The following GRIA4 variants were observed in gnomAD, a reference collection of about 807,000 sequenced individuals.
GRIA4 encodes glutamate ionotropic receptor AMPA type subunit 4, also known as glutamate receptor 4.
Under a neutral mutation model 104.0 loss-of-function variants are expected in GRIA4, and 34 were observed. The ratio of observed to expected loss-of-function variants is 0.33; its 90% CI spans 0.25 to 0.44. GRIA4 has a LOEUF of 0.44. Ranked by LOEUF, GRIA4 falls within the 20% of genes least tolerant of loss-of-function variation. The pLI, the probability that GRIA4 is intolerant of heterozygous loss-of-function variation, is 1.00. For missense variants in GRIA4, 750 were observed against 1,096.5 expected, an observed-to-expected ratio of 0.68 and a Z score of 4.46; for synonymous variants, 386 against 381.9, an observed-to-expected ratio of 1.01 and a Z score of -0.13.
At chr11:105,665,543 T>C (rs1230030569) in intron 3 of GRIA4, among the ~76,000 whole-genome samples, 1 of 152,010 alleles carries the variant, frequency 6.6e-6, no homozygotes, top group African/African-American at 2.4e-5. Context: ...GGGCATTTTA[T>C]GAGGCACTAG....
intron 4 of GRIA4, among the ~76,000 whole-genome samples, chr11:105,827,306 T>C (rs1054529367): frequency 2.6e-5 from 4 of 151,992 alleles, no homozygotes; most frequent in South Asian, 4.1e-4. Flanking sequence ...TTATATATGA[T>C]ACAATATCAA....
chr11:105,887,798 T>C (rs1455309527), intron 6 of GRIA4, among the ~76,000 whole-genome samples: 1 of 152,194 alleles, frequency 6.6e-6, no homozygotes, highest in African/African-American at 2.4e-5. Context: ...AAAGAAATGA[T>C]AATGGTTACT....
In GRIA4 at chr11:105,981,784, T is replaced by C. The variant is rs1859261171; in HGVS notation, c.*2045T>C. On this transcript the variant is annotated 3_prime_UTR_variant, in exon 17 of 17. Coordinates refer to ENST00000282499, the MANE Select transcript of GRIA4 (RefSeq NM_000829.4). ...TGCGTAACTCCTCCCTGTCTCCTCT[T>C]TACCTGAGTAACTTGTACTCATCCT... The C allele has an allele frequency of 6.5e-6, 1 of 152,674 alleles. No homozygotes were observed. Among genetic ancestry groups the C allele is most frequent in the Non-Finnish European group, 1.5e-5 (1 of 68,106 alleles). 9.5% of individuals were successfully genotyped at this position (152,674 alleles called of 1,614,324 possible). A position where few individuals can be genotyped will look rare whatever the true frequency, so the allele number is the denominator to read the frequency against.
chr11:105,956,019 T>C (rs1948579047), intron 14 of GRIA4, among the ~76,000 whole-genome samples: 1 of 152,206 alleles, frequency 6.6e-6, no homozygotes. Context: ...ATTCTGGATA[T>C]TAGACGTTTG....
intron 3 of GRIA4, among the ~76,000 whole-genome samples, chr11:105,670,511 T>C (rs749412531): frequency 6.6e-6 from 1 of 152,154 alleles, no homozygotes; most frequent in South Asian, 2.1e-4. Flanking sequence ...CCAGTTCTAC[T>C]TTATCAAACT....
At chr11:105,611,749 G>A (rs1950486851) in intron 2 of GRIA4, among the ~76,000 whole-genome samples, 1 of 152,128 alleles carries the variant, frequency 6.6e-6, no homozygotes, top group African/African-American at 2.4e-5. Context: ...CGCAGCTATT[G>A]AATTTCTTCC....
At chr11:105,854,615 T>C (rs1159329922) in intron 4 of GRIA4, among the ~76,000 whole-genome samples, 1 of 152,122 alleles carries the variant, frequency 6.6e-6, no homozygotes, top group Non-Finnish European at 1.5e-5. Flanking sequence ...ACAAGAGGCT[T>C]GGGCCTGGGT....
chr11:105,887,614 AGC>A (rs755663433), intron 6 of GRIA4, 42 bp downstream of exon 6: 2 of 865,894 alleles, frequency 2.3e-6, no homozygotes, highest in East Asian at 5.0e-5. Flanking sequence ...GAATTGCTCA[AGC>A]ACACAAGATT....
chr11:105,721,990 T>C (rs1565491556), intron 3 of GRIA4, among the ~76,000 whole-genome samples: 1 of 152,180 alleles, frequency 6.6e-6, no homozygotes, highest in Non-Finnish European at 1.5e-5. Flanking sequence ...AGAATATATA[T>C]AAATCATATG....
chr11:105,897,075 A>G (rs1480386847), intron 6 of GRIA4, among the ~76,000 whole-genome samples: 1 of 152,076 alleles, frequency 6.6e-6, no homozygotes, highest in African/African-American at 2.4e-5. Flanking sequence ...GGTGTCATCT[A>G]TGATTTATTT....
chr11:105,819,073 C>T (rs1255171402), intron 4 of GRIA4, among the ~76,000 whole-genome samples: 1 of 152,094 alleles, frequency 6.6e-6, no homozygotes, highest in Non-Finnish European at 1.5e-5. Context: ...TGGGTTTGGA[C>T]ACTGTCAGTT....
chr11:105,715,233 A>G (rs1278462979), intron 3 of GRIA4, among the ~76,000 whole-genome samples: 1 of 152,134 alleles, frequency 6.6e-6, no homozygotes, highest in Non-Finnish European at 1.5e-5. Flanking sequence ...TAACCATACT[A>G]TTACATCTTT....
At chr11:105,944,711 C>G (rs1948264816) in intron 14 of GRIA4, among the ~76,000 whole-genome samples, 1 of 152,106 alleles carries the variant, frequency 6.6e-6, no homozygotes, top group Non-Finnish European at 1.5e-5. Context: ...GCTGCTGCAA[C>G]TCGGGTTAAA....
intron 3 of GRIA4, among the ~76,000 whole-genome samples, chr11:105,747,577 A>G (rs1939735247): frequency 1.3e-5 from 2 of 152,192 alleles, no homozygotes; most frequent in African/African-American, 4.8e-5. Context: ...TATGTCAAGT[A>G]TGAATATAAA....
At chr11:105,850,589 T>C (rs1400212956) in intron 4 of GRIA4, among the ~76,000 whole-genome samples, 2 of 152,140 alleles carry the variant, frequency 1.3e-5, no homozygotes, top group Non-Finnish European at 2.9e-5. Flanking sequence ...CGGGACAACA[T>C]CATTAACCAA....
intron 4 of GRIA4, among the ~76,000 whole-genome samples, chr11:105,850,952 G>A (rs1944787323): frequency 6.6e-6 from 1 of 152,118 alleles, no homozygotes; most frequent in Admixed American, 6.6e-5. Context: ...ATCATGAGGA[G>A]AATAAAAAGC....
intron 5 of GRIA4, among the ~76,000 whole-genome samples, chr11:105,886,995 T>C (rs113154515): frequency 3.6e-4 from 54 of 152,058 alleles, no homozygotes; most frequent in African/African-American, 1.3e-3. Context: ...TGCATTCATA[T>C]ACAGGTGAGA....
At chr11:105,621,329 T>G (rs1241425217) in intron 3 of GRIA4, among the ~76,000 whole-genome samples, 1 of 151,390 alleles carries the variant, frequency 6.6e-6, no homozygotes, top group Non-Finnish European at 1.5e-5. Flanking sequence ...TATTCCTTAA[T>G]CACAACACTT....
At chr11:105,882,446 G>A (rs1314085567) in intron 5 of GRIA4, among the ~76,000 whole-genome samples, 1 of 152,154 alleles carries the variant, frequency 6.6e-6, no homozygotes, top group Non-Finnish European at 1.5e-5. Context: ...AAGGATTAAT[G>A]TAAAATCTGA....
Sources: gnomAD v4.1 joint callset for allele counts (sites outside exome capture counted in the v4.1 genomes callset) on GRCh38, gnomAD v4.1.1 for gene constraint, MANE v1.5 for transcripts, NCBI Gene and HGNC (gene_info 2026-07-23, HGNC 2026-07-21) for gene names.